SNX25: variants seen among roughly 807,000 people sequenced by gnomAD.
SNX25 encodes sorting nexin 25.
SNX25 carries 62 observed loss-of-function variants against 113.7 expected under a neutral mutation model. The ratio of observed to expected loss-of-function variants is 0.55; its 90% CI spans 0.44 to 0.67. The LOEUF (loss-of-function observed/expected upper bound fraction) is 0.67. Among genes scored for constraint, SNX25 ranks in the 30% least tolerant of loss-of-function variants. SNX25 has a pLI of 0.00. For missense variants in SNX25, 1,014 were observed against 1,161.0 expected (o/e 0.87, Z 1.84); for synonymous variants, 421 against 436.2 (o/e 0.97, Z 0.43).
At position 185,314,357 on chromosome 4, in the gene SNX25, G is replaced by A. The variant is rs377309247; in HGVS notation, c.1344+3541G>A. ...AAAAAAAAAAAAATTAAAAGAAGCT[G>A]TAAATAAAAACTAAAATAACTAGAA... On this transcript the variant is annotated intron_variant, in intron 7 of 18. Coordinates refer to ENST00000652585, the MANE Select transcript of SNX25 (RefSeq NM_001378034.2). Among the ~76,000 whole-genome samples, 4 of 149,212 alleles carry A rather than the reference G, an allele frequency of 2.7e-5. No individual in the cohort carries two copies. The East Asian group carries it at 5.9e-4, about 22-fold the overall frequency.
intron 1 of SNX25, among the ~76,000 whole-genome samples, chr4:185,247,035 T>C (rs34432579): frequency 0.34 from 51,179 of 152,092 alleles, 10,425 homozygotes; most frequent in East Asian, 0.55. Flanking sequence ...GTTTGTTTAC[T>C]CCCTACCATT....
intron 1 of SNX25, among the ~76,000 whole-genome samples, chr4:185,224,390 T>TAA: frequency 7.0e-6 from 1 of 143,508 alleles, no homozygotes; most frequent in Non-Finnish European, 1.5e-5. Flanking sequence ...TATAAATATA[T>TAA]AAATATATAA....
chr4:185,224,648 A>AAT (rs1168075524), intron 1 of SNX25, among the ~76,000 whole-genome samples: 129 of 146,986 alleles, frequency 8.8e-4, no homozygotes, highest in Non-Finnish European at 1.3e-3. Context: ...TAGATATAAA[A>AAT]ATATATATAA....
At chr4:185,317,614 A>G (rs2095084797) in intron 7 of SNX25, among the ~76,000 whole-genome samples, 1 of 152,224 alleles carries the variant, frequency 6.6e-6, no homozygotes, top group Non-Finnish European at 1.5e-5. Flanking sequence ...AATGTGGCAC[A>G]TATACACCAT....
intron 5 of SNX25, among the ~76,000 whole-genome samples, chr4:185,273,744 C>T (rs1749266393): frequency 6.6e-6 from 1 of 152,138 alleles, no homozygotes; most frequent in Non-Finnish European, 1.5e-5. Flanking sequence ...TTTTAGATTC[C>T]ACATGTACGT....
chr4:185,310,302 T>G (rs575261597), intron 6 of SNX25, among the ~76,000 whole-genome samples: 1 of 152,316 alleles, frequency 6.6e-6, no homozygotes, highest in East Asian at 1.9e-4. Flanking sequence ...CAGTACATGC[T>G]TATGAATGAG....
chr4:185,351,680 G>T, intron 14 of SNX25, 71 bp downstream of exon 14: 1 of 1,500,208 alleles, frequency 6.7e-7, no homozygotes, highest in South Asian at 1.3e-5. Context: ...CTCCTCATGG[G>T]GGGAAGCAAA....
rs1328579469 is a variant in SNX25, at chr4:185,353,555, C to T, written c.2537C>T (p.Ala846Val). 6 of 1,614,142 alleles carry T rather than the reference C, an allele frequency of 3.7e-6. No homozygotes were observed. Among genetic ancestry groups the T allele is most frequent in the Non-Finnish European group, 5.1e-6 (6 of 1,180,020 alleles). ...GTGGATGGGAGGAAAGACGCCTTGG[C>T]TGAACCATGTTTCATGTTGATTGGG... is the stretch of plus-strand genomic sequence containing the variant. ...DDVDGRKDAL[A>V]EPCFMLIGEI... Residue 846 changes from alanine (A) to valine (V), a missense_variant, in exon 15 of 19, where the codon GCT becomes GTT. Ala to Val is a moderately conservative substitution (Grantham distance 64). Transcript: ENST00000652585.
chr4:185,343,996 G>A (rs111439068), intron 12 of SNX25, among the ~76,000 whole-genome samples: 5,217 of 152,180 alleles, frequency 0.034, 230 homozygotes, highest in African/African-American at 0.1. Context: ...AAGTGGGCGG[G>A]TCCCTTGAGG....
intron 13 of SNX25, among the ~76,000 whole-genome samples, chr4:185,350,161 G>T (rs1329313923): frequency 1.3e-5 from 2 of 152,172 alleles, no homozygotes; most frequent in Admixed American, 6.5e-5. Flanking sequence ...CTTGTCCCCA[G>T]CGGGGCAGTA....
chr4:185,219,888 C>T (rs1739514503), intron 1 of SNX25, among the ~76,000 whole-genome samples: 1 of 151,706 alleles, frequency 6.6e-6, no homozygotes, highest in African/African-American at 2.4e-5. Flanking sequence ...ATGTGTTTTT[C>T]CTGAAGCAGA....
rs1737491428 is a variant in SNX25 at position 185,210,114 on chromosome 4, G to A, written c.288G>A (p.Leu96=). The change falls in exon 1 of 19, where the codon CTG becomes CTA. Residue 96 remains leucine (L), a synonymous_variant. Coordinates refer to ENST00000652585, the MANE Select transcript of SNX25 (RefSeq NM_001378034.2). The surrounding 1 kb of genome is among the most constrained non-coding windows in gnomAD (Gnocchi z 4.4). ...GLSSVLFRLS[L]YLSCAAAAFL... ...GCTCCGTCCTGTTCAGGCTCAGCCT[G>A]TACCTGAGCTGCGCGGCGGCCGCCT... The A allele has an allele frequency of 9.1e-6, 9 of 984,258 alleles. No individual in the cohort carries two copies. Among genetic ancestry groups the A allele is most frequent in the Non-Finnish European group, 9.6e-6 (8 of 829,602 alleles). The allele number at this position is 984,258 out of a possible 1,614,324, so 61.0% of individuals were successfully genotyped here. A position where few individuals can be genotyped will look rare whatever the true frequency, so the allele number is the denominator to read the frequency against.
At position 185,334,801 on chromosome 4, in the gene SNX25, G is replaced by A. The variant is rs1054423741; in HGVS notation, c.1914+2042G>A. Among the ~76,000 whole-genome samples, 4 of 152,240 alleles carry A rather than the reference G, an allele frequency of 2.6e-5. No individual in the cohort carries two copies. Among genetic ancestry groups the A allele is most frequent in the South Asian group, 4.1e-4 (2 of 4,824 alleles). On this transcript the variant is annotated intron_variant, in intron 10 of 18. Transcript: ENST00000652585. This position sits in a 1 kb window ranked among gnomAD's most constrained non-coding sequence, Gnocchi z 4.2. ...AAAGAATTCTCAAGAAACTTGGAGC[G>A]ATTCACTGGTACTGTGGCTTAACTT...
At chr4:185,240,824 T>G (rs1281579994) in intron 1 of SNX25, among the ~76,000 whole-genome samples, 2 of 121,908 alleles carry the variant, frequency 1.6e-5, no homozygotes, top group African/African-American at 3.2e-5. Context: ...AGGCAGAGGG[T>G]CTCCTCACTT....
intron 15 of SNX25, among the ~76,000 whole-genome samples, chr4:185,356,966 T>C (rs1003502279): frequency 2.6e-5 from 4 of 152,352 alleles, no homozygotes; most frequent in African/African-American, 9.6e-5. Context: ...AGTTTAGGTC[T>C]GTAGAACCCT....
intron 4 of SNX25, among the ~76,000 whole-genome samples, chr4:185,265,962 A>C (rs1748018633): frequency 6.6e-6 from 1 of 152,214 alleles, no homozygotes; most frequent in Non-Finnish European, 1.5e-5. Context: ...TGTAAAAAGG[A>C]ACTGTACCAC....
At chr4:185,341,934 A>T (rs761410255) in intron 11 of SNX25, 42 bp from the exon 12 acceptor site, 12 of 1,555,076 alleles carry the variant, frequency 7.7e-6, no homozygotes, top group Non-Finnish European at 1.0e-5. Context: ...GCATCCATTC[A>T]CCATGCTTTT....
intron 9 of SNX25, among the ~76,000 whole-genome samples, chr4:185,324,720 G>A (rs2095144111): frequency 6.6e-6 from 1 of 152,108 alleles, no homozygotes; most frequent in South Asian, 2.1e-4. Flanking sequence ...GGATTTAGGT[G>A]GTTTTTGATC....
Position 185,330,210 on chromosome 4 carries a change from A to T in SNX25, c.1750-2385A>T, listed in dbSNP as rs541170493. Reference sequence around the variant, plus strand: ...GGCTTGGAATGTTTCTGTGTGGAGGAGAAGTTTATTGCAGGGTTGGAATGT... The same window carrying T: ...GGCTTGGAATGTTTCTGTGTGGAGGTGAAGTTTATTGCAGGGTTGGAATGT... On this transcript the variant is annotated intron_variant, in intron 9 of 18. Transcript: ENST00000652585. 3.9e-5 allele frequency among the ~76,000 whole-genome samples: 6 copies of T among 152,144 alleles called. No homozygotes were observed. The East Asian group carries it at 1.2e-3, about 29-fold the overall frequency.
Sources: allele counts gnomAD v4.1 joint callset (sites outside exome capture counted in the v4.1 genomes callset), GRCh38; gene constraint gnomAD v4.1.1; non-coding constraint Gnocchi (gnomAD v3.1); transcripts MANE v1.5; gene names NCBI Gene and HGNC (gene_info 2026-07-23, HGNC 2026-07-21).